Variants in KYNU observed in about 807,000 individuals in gnomAD.
KYNU encodes L-kynurenine hydrolase.
In KYNU, 54 loss-of-function variants were observed where a neutral mutation model predicts 59.2. The ratio of observed to expected loss-of-function variants is 0.91; its 90% CI spans 0.73 to 1.14. The LOEUF (loss-of-function observed/expected upper bound fraction) is 1.14. KYNU is among the 50% of genes most tolerant of loss of function. KYNU has a pLI of 0.00. For synonymous variants in KYNU, 177 were observed against 192.0 expected (o/e 0.92, Z 0.65); for missense variants, 567 against 554.4 (o/e 1.02, Z -0.23).
At chr2:142,926,185 G>A (rs574479836) in intron 3 of KYNU, among the ~76,000 whole-genome samples, 2 of 152,070 alleles carry the variant, frequency 1.3e-5, no homozygotes, top group Non-Finnish European at 2.9e-5. Context: ...TGTAGGTGAC[G>A]GGTTGATGGG....
intron 4 of KYNU, chr2:142,947,025 T>A: frequency 1.9e-6 from 3 of 1,544,894 alleles, no homozygotes; most frequent in Non-Finnish European, 2.6e-6. Flanking sequence ...GGTACCCTTT[T>A]GTGGGCTGAT....
At chr2:142,972,794 A>G (rs1358772115) in intron 8 of KYNU, among the ~76,000 whole-genome samples, 1 of 88,454 alleles carries the variant, frequency 1.1e-5, no homozygotes, top group African/African-American at 4.5e-5. Flanking sequence ...CAGAGGCCAT[A>G]TATATATATA....
At chr2:142,936,063 G>A (rs1217067709) in intron 4 of KYNU, among the ~76,000 whole-genome samples, 2 of 152,136 alleles carry the variant, frequency 1.3e-5, no homozygotes, top group African/African-American at 4.8e-5. Flanking sequence ...TGGCTGGGAG[G>A]CATGGACAGC....
chr2:142,997,748 T>C (rs989822236), intron 10 of KYNU, among the ~76,000 whole-genome samples: 2 of 152,144 alleles, frequency 1.3e-5, no homozygotes, highest in Admixed American at 6.6e-5. Context: ...GTTTGTTGTT[T>C]AGTTTTTGTG....
chr2:143,001,011 G>A (rs1166686140), intron 10 of KYNU, among the ~76,000 whole-genome samples: 3 of 152,148 alleles, frequency 2.0e-5, no homozygotes, highest in Non-Finnish European at 4.4e-5. Flanking sequence ...CCTCACTCAT[G>A]ATGGGATATG....
At chr2:142,937,662 G>C (rs1444531424) in intron 4 of KYNU, among the ~76,000 whole-genome samples, 1 of 152,182 alleles carries the variant, frequency 6.6e-6, no homozygotes, top group African/African-American at 2.4e-5. Flanking sequence ...ATGGAAGTGA[G>C]GTACAGAAAC....
At position 142,960,334 on chromosome 2, in the gene KYNU, AG is replaced by A. The variant is rs200905548; in HGVS notation, c.583-289del. On this transcript the variant is annotated intron_variant, in intron 7 of 13. Coordinates refer to ENST00000264170, the MANE Select transcript of KYNU (RefSeq NM_003937.3). ...CAGGAATAAGGAGAAAACAACTTAT[AG>A]CTGTGGAAAGAGTACAAATTAATTT... Among the ~76,000 whole-genome samples, 26 of 152,360 alleles carry A rather than the reference AG, an allele frequency of 1.7e-4. No homozygotes were observed. In the East Asian group the frequency reaches 4.4e-3, roughly 26 times the overall value.
At chr2:142,956,888 A>T (rs1256922642) in intron 6 of KYNU, among the ~76,000 whole-genome samples, 1 of 152,204 alleles carries the variant, frequency 6.6e-6, no homozygotes, top group Non-Finnish European at 1.5e-5. Flanking sequence ...CACTCCTGCT[A>T]TCTCAACACT....
In KYNU at chr2:143,017,585, T is replaced by G. The variant is rs113752500; in HGVS notation, c.903-12042T>G. Among the ~76,000 whole-genome samples, 1,119 of 151,924 alleles carry G rather than the reference T, an allele frequency of 7.4e-3. 17 individuals carry two copies. The highest frequency in any genetic ancestry group is 0.026 in the African/African-American group (1,079 of 41,436). Reference sequence around the variant, plus strand: ...GCCTCCTTAGCTGGGATTACAGGCATGCACCATCACGCCCAGCTAATTTTG... The same window carrying G: ...GCCTCCTTAGCTGGGATTACAGGCAGGCACCATCACGCCCAGCTAATTTTG... On this transcript the variant is annotated intron_variant, in intron 10 of 13. Transcript: ENST00000264170.
At chr2:142,995,932 G>A (rs1195763646) in intron 10 of KYNU, among the ~76,000 whole-genome samples, 1 of 151,980 alleles carries the variant, frequency 6.6e-6, no homozygotes, top group East Asian at 1.9e-4. Flanking sequence ...CACTAGTTCG[G>A]TGTTCTCTAT....
chr2:142,897,964 C>T (rs1681938375), intron 2 of KYNU, among the ~76,000 whole-genome samples: 1 of 152,036 alleles, frequency 6.6e-6, no homozygotes, highest in Non-Finnish European at 1.5e-5. Context: ...TGCAGTGGTG[C>T]TGTCAGAGCT....
chr2:143,028,848 C>CAAACA (rs113934733), intron 10 of KYNU, among the ~76,000 whole-genome samples: 1,697 of 149,818 alleles, frequency 0.011, 24 homozygotes, highest in African/African-American at 0.029. Flanking sequence ...AACTCTGTCT[C>CAAACA]AAACAAAACA....
At chr2:142,958,746 C>G (rs986074824) in intron 7 of KYNU, among the ~76,000 whole-genome samples, 1 of 152,114 alleles carries the variant, frequency 6.6e-6, no homozygotes. Context: ...TGAGCATTAC[C>G]TAGAACAAGT....
chr2:143,009,909 T>C (rs1449366469), intron 10 of KYNU, among the ~76,000 whole-genome samples: 14 of 116,108 alleles, frequency 1.2e-4, no homozygotes, highest in Non-Finnish European at 2.0e-4. Context: ...TGGGATGTAT[T>C]TCAAAATAAT....
At chr2:143,006,105 C>A (rs950149162) in intron 10 of KYNU, among the ~76,000 whole-genome samples, 1 of 152,100 alleles carries the variant, frequency 6.6e-6, no homozygotes, top group Non-Finnish European at 1.5e-5. Context: ...GCATGAGCAA[C>A]GCAGAAGACG....
chr2:142,927,577 T>C (rs1683083722), intron 3 of KYNU, 82 bp from the exon 4 acceptor site: 1 of 1,056,974 alleles, frequency 9.5e-7, no homozygotes, highest in Non-Finnish European at 1.5e-6. Context: ...TAGAAATGTT[T>C]ATTTGCTAAA....
At chr2:142,956,327 T>C in intron 6 of KYNU, 53 bp downstream of exon 6, 2 of 1,145,186 alleles carry the variant, frequency 1.7e-6, no homozygotes, top group Non-Finnish European at 2.6e-6. Context: ...CCTAGAGCAG[T>C]GTATCATTTG....
At chr2:142,975,316 G>GA (rs1684852386) in intron 8 of KYNU, among the ~76,000 whole-genome samples, 1 of 152,124 alleles carries the variant, frequency 6.6e-6, no homozygotes, top group African/African-American at 2.4e-5. Context: ...AGCTCCAGGG[G>GA]AAAATTAGCT....
At position 142,885,548 on chromosome 2, in the gene KYNU, G is replaced by A. The variant is rs553902382; in HGVS notation, c.169+12G>A. 8 of 1,607,884 alleles carry A rather than the reference G, an allele frequency of 5.0e-6. No individual in the cohort carries two copies. The African/African-American group carries it at 9.4e-5, about 19-fold the overall frequency. On this transcript the variant is annotated intron_variant, in intron 2 of 13. Coordinates refer to ENST00000264170, the MANE Select transcript of KYNU (RefSeq NM_003937.3). ...GGATCTGCCTCCAGGTAAGAATGCT[G>A]GGAAGGTTTTTAAATTTTATTTATT...
Sources: allele counts gnomAD v4.1 joint callset (sites outside exome capture counted in the v4.1 genomes callset), GRCh38; gene constraint gnomAD v4.1.1; transcripts MANE v1.5; gene names NCBI Gene and HGNC (gene_info 2026-07-23, HGNC 2026-07-21).